The following SGCZ variants were observed in gnomAD, a reference collection of about 807,000 sequenced individuals.
SGCZ encodes the protein zeta-sarcoglycan.
Under a neutral mutation model 41.3 loss-of-function variants are expected in SGCZ, and 40 were observed. The observed-to-expected ratio is 0.97, with a 90% CI of 0.75 to 1.26. The LOEUF is 1.26. Ranked by LOEUF, SGCZ falls within the 50% of genes most tolerant of loss-of-function variation. The pLI is 0.00. For synonymous variants in SGCZ, 206 were observed against 137.5 expected (o/e 1.50, Z -3.49); for missense variants, 552 against 369.8 (o/e 1.49, Z -4.04).
chr8:14,354,571 G>C (rs972578193), intron 2 of SGCZ, among the ~76,000 whole-genome samples: 1 of 151,402 alleles, frequency 6.6e-6, no homozygotes, highest in African/African-American at 2.4e-5. Context: ...ATACTACAAA[G>C]ACATAAACAT....
chr8:15,114,574 G>T (rs115143766), intron 1 of SGCZ, among the ~76,000 whole-genome samples: 1,724 of 152,046 alleles, frequency 0.011, 29 homozygotes, highest in African/African-American at 0.04. Flanking sequence ...TTTTTATTTT[G>T]CAGAAATCTA....
At chr8:14,364,857 T>C (rs1276289203) in intron 2 of SGCZ, among the ~76,000 whole-genome samples, 1 of 152,158 alleles carries the variant, frequency 6.6e-6, no homozygotes, top group African/African-American at 2.4e-5. Flanking sequence ...TTAAAATTCA[T>C]ATAGTCAAGT....
chr8:14,979,800 C>T (rs1801603338), intron 1 of SGCZ, among the ~76,000 whole-genome samples: 1 of 152,162 alleles, frequency 6.6e-6, no homozygotes, highest in South Asian at 2.1e-4. Flanking sequence ...CAGGTGATGA[C>T]AAGTAATCCT....
At chr8:14,727,515 CTTT>C (rs111909005) in intron 1 of SGCZ, among the ~76,000 whole-genome samples, 1 of 144,046 alleles carries the variant, frequency 6.9e-6, no homozygotes, top group Non-Finnish European at 1.5e-5. Flanking sequence ...TACAATAATG[CTTT>C]TTTTTTTTTT....
At chr8:14,870,428 A>G (rs1167821513) in intron 1 of SGCZ, among the ~76,000 whole-genome samples, 1 of 152,160 alleles carries the variant, frequency 6.6e-6, no homozygotes, top group African/African-American at 2.4e-5. Context: ...CTTATATAAA[A>G]ATTAACTCAA....
intron 1 of SGCZ, among the ~76,000 whole-genome samples, chr8:15,174,361 A>T (rs561985934): frequency 6.6e-6 from 1 of 152,308 alleles, no homozygotes; most frequent in East Asian, 1.9e-4. Context: ...TTGCTGTTGC[A>T]AACAGAGCTG....
At chr8:14,377,091 C>T (rs1395322846) in intron 2 of SGCZ, among the ~76,000 whole-genome samples, 1 of 152,070 alleles carries the variant, frequency 6.6e-6, no homozygotes, top group Non-Finnish European at 1.5e-5. Flanking sequence ...ATAGCCCCAG[C>T]ATAGACCGGG....
intron 1 of SGCZ, among the ~76,000 whole-genome samples, chr8:14,728,226 T>G (rs190917854): frequency 1.4e-4 from 22 of 152,132 alleles, no homozygotes; most frequent in Admixed American, 1.0e-3. Context: ...TTTGTGATAA[T>G]TTTCTCTAAA....
At chr8:14,994,970 T>C (rs1372365928) in intron 1 of SGCZ, among the ~76,000 whole-genome samples, 1 of 152,210 alleles carries the variant, frequency 6.6e-6, no homozygotes, top group Non-Finnish European at 1.5e-5. Flanking sequence ...CTTCCCCTAA[T>C]ATTATGTGTT....
At chr8:14,779,480 C>T (rs1210441587) in intron 1 of SGCZ, among the ~76,000 whole-genome samples, 1 of 152,160 alleles carries the variant, frequency 6.6e-6, no homozygotes, top group Non-Finnish European at 1.5e-5. Context: ...TCATGAGAGA[C>T]CCTGAGCCTA....
intron 1 of SGCZ, among the ~76,000 whole-genome samples, chr8:14,635,700 G>C (rs1371825804): frequency 6.6e-6 from 1 of 151,554 alleles, no homozygotes; most frequent in African/African-American, 2.4e-5. Flanking sequence ...TAAATTTCTG[G>C]GTGGAAGCCG....
intron 2 of SGCZ, among the ~76,000 whole-genome samples, chr8:14,485,195 A>T (rs1801639751): frequency 6.6e-6 from 1 of 152,120 alleles, no homozygotes; most frequent in African/African-American, 2.4e-5. Context: ...TAAAAACTAC[A>T]TTTCCTATCA....
intron 1 of SGCZ, among the ~76,000 whole-genome samples, chr8:15,062,507 A>G (rs1334846863): frequency 6.6e-6 from 1 of 152,192 alleles, no homozygotes; most frequent in Non-Finnish European, 1.5e-5. Context: ...ACAAATAGAA[A>G]TAGTCAAGTA....
In SGCZ at chr8:14,379,118, T is replaced by C. The variant is rs1335106870; in HGVS notation, c.235-54914A>G. Among the ~76,000 whole-genome samples, 5 of 152,178 alleles carry C rather than the reference T, an allele frequency of 3.3e-5. No individual in the cohort carries two copies. In the East Asian group the frequency reaches 7.7e-4, roughly 23 times the overall value. ...CTACCACTGATAATTCTTCCTGAGGTATCAGCAAATTTAAGTAGGAAAAAA... is the reference window on the plus strand; with the variant it reads ...CTACCACTGATAATTCTTCCTGAGGCATCAGCAAATTTAAGTAGGAAAAAA... On this transcript the variant is annotated intron_variant, in intron 2 of 7. Transcript: ENST00000382080.
intron 2 of SGCZ, among the ~76,000 whole-genome samples, chr8:14,536,599 C>A (rs1197732599): frequency 1.3e-5 from 2 of 151,700 alleles, no homozygotes; most frequent in Non-Finnish European, 2.9e-5. Context: ...CTGAAAATCT[C>A]CAAAAAGGTT....
intron 1 of SGCZ, among the ~76,000 whole-genome samples, chr8:14,731,742 G>A (rs1810245805): frequency 6.6e-6 from 1 of 151,854 alleles, no homozygotes; most frequent in South Asian, 2.1e-4. Context: ...GTTCATTTCT[G>A]GGTCAATCTG....
At chr8:14,246,835 G>C (rs1262885336) in intron 3 of SGCZ, among the ~76,000 whole-genome samples, 3 of 147,568 alleles carry the variant, frequency 2.0e-5, no homozygotes, top group African/African-American at 7.5e-5. Flanking sequence ...GCATGAACCC[G>C]GGAGGCAGAG....
chr8:14,702,442 T>C (rs959898393), intron 1 of SGCZ, among the ~76,000 whole-genome samples: 2 of 151,928 alleles, frequency 1.3e-5, no homozygotes, highest in Admixed American at 6.6e-5. Flanking sequence ...TACGACTAAA[T>C]AGGAAACACA....
At chr8:14,886,475 G>C (rs1158410601) in intron 1 of SGCZ, among the ~76,000 whole-genome samples, 2 of 152,010 alleles carry the variant, frequency 1.3e-5, no homozygotes, top group African/African-American at 2.4e-5. Context: ...GTGAGAGAAG[G>C]CTTCACTCAG....
Sources: gnomAD v4.1 joint callset for allele counts (sites outside exome capture counted in the v4.1 genomes callset) on GRCh38, gnomAD v4.1.1 for gene constraint, MANE v1.5 for transcripts, NCBI Gene and HGNC (gene_info 2026-07-23, HGNC 2026-07-21) for gene names.